GP6: variants seen among roughly 807,000 people sequenced by gnomAD.
The protein encoded by GP6 is glycoprotein VI platelet.
GP6 carries 45 observed loss-of-function variants against 37.3 expected under a neutral mutation model. The ratio of observed to expected loss-of-function variants is 1.21; its 90% confidence interval spans 0.95 to 1.55. GP6 has a LOEUF of 1.55. Among genes scored for constraint, GP6 ranks in the 40% most tolerant of loss-of-function variants. The pLI is 0.00. For synonymous variants in GP6, 340 were observed against 316.4 expected, an observed-to-expected ratio of 1.07 and a Z score of -0.79; for missense variants, 813 against 760.2, an observed-to-expected ratio of 1.07 and a Z score of -0.82.
At chr19:55,034,045 A>G (rs2074714813) in intron 1 of GP6, among the ~76,000 whole-genome samples, 1 of 152,064 alleles carries the variant, frequency 6.6e-6, no homozygotes, top group Non-Finnish European at 1.5e-5. Context: ...GTATATACAC[A>G]TATAGTGCAT....
rs116542378 is a variant in GP6, at chr19:55,025,022, T to C, written c.664+196A>G. 1.9e-3 allele frequency among the ~76,000 whole-genome samples: 284 copies of C among 152,216 alleles called. 1 individual carries two copies. The highest frequency in any genetic ancestry group is 6.4e-3 in the African/African-American group (267 of 41,542). On this transcript the variant is annotated intron_variant, in intron 5 of 7. Transcript: ENST00000310373. The stretch of plus-strand genomic sequence containing the variant: ...GATAAACCATCCACCTAGAGTAGGA[T>C]TGGGGGCAGCATCTTAACATCTAAC...
chr19:55,031,328 C>G (rs974939020), intron 3 of GP6, among the ~76,000 whole-genome samples: 1 of 152,204 alleles, frequency 6.6e-6, no homozygotes, highest in African/African-American at 2.4e-5. Context: ...CCCTGCTACT[C>G]ATGAGGCTGA....
At position 55,014,862 on chromosome 19, in the gene GP6, G is replaced by A. The variant is rs755827734; in HGVS notation, c.1083C>T (p.Leu361=). The A allele has an allele frequency of 1.2e-6, 2 of 1,614,024 alleles. No individual in the cohort carries two copies. Among genetic ancestry groups the A allele is most frequent in the Non-Finnish European group, 1.7e-6 (2 of 1,180,018 alleles). ...CCACGCTCCACACACGCCAGTCTTT[G>A]AGTCGCCTCCCATGCCATGATCCCT... is the stretch of plus-strand genomic sequence containing the variant. The change falls in exon 8 of 8, where the codon CTC becomes CTT. Residue 361 remains leucine (L), a synonymous_variant. Transcript: ENST00000310373.
intron 7 of GP6, among the ~76,000 whole-genome samples, chr19:55,015,392 T>A (rs993243084): frequency 3.3e-5 from 5 of 152,006 alleles, no homozygotes; most frequent in Admixed American, 2.0e-4. Context: ...CTGAGACAAC[T>A]CCTCCCCAGA....
intron 3 of GP6, 100 bp downstream of exon 3, chr19:55,032,039 C>T (rs892440611): frequency 6.6e-6 from 8 of 1,204,970 alleles, no homozygotes; most frequent in Non-Finnish European, 9.6e-6. Context: ...TAGGCCAGTG[C>T]CTCGTTTGCC....
At chr19:55,036,876 T>C (rs2074849600) in intron 1 of GP6, among the ~76,000 whole-genome samples, 1 of 152,148 alleles carries the variant, frequency 6.6e-6, no homozygotes, top group South Asian at 2.1e-4. Context: ...CCAGACCTGG[T>C]GGCAGATGCC....
In GP6 at chr19:55,014,903, G is replaced by C; in HGVS notation, c.1042C>G (p.Arg348Gly). The C allele has an allele frequency of 6.2e-7, 1 of 1,613,690 alleles. No homozygotes were observed. Among genetic ancestry groups the C allele is most frequent in the Non-Finnish European group, 8.5e-7 (1 of 1,179,958 alleles). ...CATGATCCCTCCCTTGGATACGACC[G>C]TGCCTGGGGTTCAGCGGTCATGAAC... The change falls in exon 8 of 8, where the codon CGG becomes GGG. Residue 348 changes from arginine to glycine, a missense_variant. Transcript: ENST00000310373.
At chr19:55,030,531 C>T (rs922747900) in intron 3 of GP6, among the ~76,000 whole-genome samples, 1 of 151,594 alleles carries the variant, frequency 6.6e-6, no homozygotes, top group Admixed American at 6.6e-5. Flanking sequence ...TTAGTAGAGA[C>T]GGGGTTTCAC....
At position 55,015,740 on chromosome 19, in the gene GP6, AC is replaced by A; in HGVS notation, c.725-8del. 1 of 1,512,240 alleles carries A rather than the reference AC, an allele frequency of 6.6e-7. No individual in the cohort carries two copies. The highest frequency in any genetic ancestry group is 9.2e-7 in the Non-Finnish European group (1 of 1,086,274). The allele number at this position is 1,512,240 out of a possible 1,614,324, so 93.7% of individuals were successfully genotyped here. A position where few individuals can be genotyped will look rare whatever the true frequency, so the allele number is the denominator to read the frequency against. On this transcript the variant is annotated splice_region_variant and splice_polypyrimidine_tract_variant and intron_variant, in intron 6 of 7. Transcript: ENST00000310373. ...GTGATACTCCTAGAAGTCTCTGGGA[AC>A]CAAACAAAGGCTAAGTGTGAAATGA...
chr19:55,029,350 ATATATATATATATATATATATAT>A (rs2074455305), intron 3 of GP6, among the ~76,000 whole-genome samples: 1 of 2,510 alleles, frequency 4.0e-4, no homozygotes, highest in African/African-American at 1.6e-3. Flanking sequence ...ATATATATAT[ATATATATATATATATATATATAT>A]ATTTTTTTTT....
intron 5 of GP6, 84 bp from the exon 6 acceptor site, chr19:55,018,795 G>T: frequency 1.1e-6 from 1 of 932,764 alleles, no homozygotes; most frequent in Non-Finnish European, 1.8e-6. Flanking sequence ...AGATATCTAG[G>T]CTCCCTGAAA....
Position 55,015,030 on chromosome 19 carries a change from G to T in GP6, c.915C>A (p.Gly305=). The change falls in exon 8 of 8, where the codon GGC becomes GGA. Residue 305 remains glycine (G), a synonymous_variant. Transcript: ENST00000310373. ...GAGGGGCGGAAGCGGCCTCTGCACA[G>T]CCCTGCCCCTGTGCCGCAGGCGCTT... 1.2e-6 allele frequency: 2 copies of T among 1,611,320 alleles called. No individual in the cohort carries two copies. Among genetic ancestry groups the T allele is most frequent in the Middle Eastern group, 1.7e-4 (1 of 6,056 alleles).
rs576391638 is a variant in GP6, at chr19:55,030,525, T to A, written c.325+1614A>T. On this transcript the variant is annotated intron_variant, in intron 3 of 7. Transcript: ENST00000310373. Reference sequence around the variant, plus strand: ...AGCTAATTATTATTATTTTTTTTAGTAGAGACGGGGTTTCACCATGTTGGC... The same window carrying A: ...AGCTAATTATTATTATTTTTTTTAGAAGAGACGGGGTTTCACCATGTTGGC... 2.0e-4 allele frequency among the ~76,000 whole-genome samples: 31 copies of A among 152,070 alleles called. No homozygotes were observed. In the East Asian group the frequency reaches 4.9e-3, roughly 24 times the overall value.
chr19:55,021,073 G>T (rs1212440907), intron 5 of GP6, among the ~76,000 whole-genome samples: 1 of 123,516 alleles, frequency 8.1e-6, no homozygotes. Flanking sequence ...AAAAAAAAAA[G>T]GTGGCCCTGG....
chr19:55,033,049 TG>T lies in GP6; in HGVS notation c.35-512del, dbSNP rs1334493694. On this transcript the variant is annotated intron_variant, in intron 1 of 7. Transcript: ENST00000310373. Reference sequence around the variant, plus strand: ...GTGTTAGACACGGTGGACTCGTTCGTGTTGTGTTAGACACGGTGGACTCGTT... The same window carrying T: ...GTGTTAGACACGGTGGACTCGTTCGTTTGTGTTAGACACGGTGGACTCGTT... Among the ~76,000 whole-genome samples, 2 of 13,678 alleles carry T rather than the reference TG, an allele frequency of 1.5e-4. 1 individual carries two copies. The highest frequency in any genetic ancestry group is 3.7e-4 in the Non-Finnish European group (2 of 5,454). The allele number at this position is 13,678 out of a possible 152,430, so 9.0% of individuals were successfully genotyped here.
intron 1 of GP6, among the ~76,000 whole-genome samples, chr19:55,036,325 C>T (rs2074829526): frequency 6.6e-6 from 1 of 151,996 alleles, no homozygotes; most frequent in African/African-American, 2.4e-5. Context: ...GTGACAGGTG[C>T]ACTAAAATCT....
intron 6 of GP6, among the ~76,000 whole-genome samples, chr19:55,017,591 C>T (rs75314806): frequency 0.026 from 4,009 of 152,094 alleles, 98 homozygotes; most frequent in Non-Finnish European, 0.042. Flanking sequence ...TCCAGGAGAG[C>T]TTCAAGTGAC....
intron 4 of GP6, among the ~76,000 whole-genome samples, chr19:55,025,534 C>T (rs540854178): frequency 8.6e-5 from 13 of 150,784 alleles, no homozygotes; most frequent in Middle Eastern, 3.5e-3. Flanking sequence ...GGTGAAACCC[C>T]GTCTCCACTA....
Position 55,032,378 on chromosome 19 carries a change from G to T in GP6, c.86C>A (p.Ser29Tyr), listed in dbSNP as rs769686181. The change falls in exon 3 of 8, where the codon TCC becomes TAC. Residue 29 changes from serine to tyrosine, a missense_variant. Transcript: ENST00000310373. ...CAGGGAGCTGGGCAGAGCCTGGAGG[G>T]AGGGCTTGGGGAGCGGTCCTGGAAG... 1.2e-6 allele frequency: 2 copies of T among 1,613,446 alleles called. No individual in the cohort carries two copies. The highest frequency in any genetic ancestry group is 1.1e-5 in the South Asian group (1 of 91,032).
Sources: allele counts gnomAD v4.1 joint callset (sites outside exome capture counted in the v4.1 genomes callset), GRCh38; gene constraint gnomAD v4.1.1; transcripts MANE v1.5; gene names NCBI Gene and HGNC (gene_info 2026-07-23, HGNC 2026-07-21).